USP10: variants seen among roughly 807,000 people sequenced by gnomAD.
USP10 encodes the protein ubiquitin carboxyl-terminal hydrolase 10.
USP10 carries 22 observed loss-of-function variants against 84.5 expected under a neutral mutation model. The observed-to-expected ratio is 0.26, with a 90% CI of 0.19 to 0.37. USP10 has a LOEUF of 0.37. USP10 is among the 10% of genes least tolerant of loss of function. USP10 has a pLI of 1.00. For missense variants in USP10, 1,019 were observed against 998.9 expected (o/e 1.02, Z -0.27); for synonymous variants, 454 against 387.6 (o/e 1.17, Z -2.01).
chr16:84,733,804 G>A (rs1048336363), intron 2 of USP10, among the ~76,000 whole-genome samples: 1 of 152,138 alleles, frequency 6.6e-6, no homozygotes. Context: ...GGAAATATTG[G>A]TCCTGACTGG....
At chr16:84,767,116 C>A (rs1010124160) in intron 10 of USP10, among the ~76,000 whole-genome samples, 3 of 152,050 alleles carry the variant, frequency 2.0e-5, no homozygotes, top group Non-Finnish European at 4.4e-5. Flanking sequence ...CATGGAGATG[C>A]GTAATTAAAC....
At chr16:84,725,693 C>T (rs1287347421) in intron 1 of USP10, among the ~76,000 whole-genome samples, 5 of 152,266 alleles carry the variant, frequency 3.3e-5, no homozygotes, top group African/African-American at 9.6e-5. Flanking sequence ...TGTGAGCCAC[C>T]GTGCCCGGCC....
At chr16:84,773,627 C>G (rs562555049) in intron 12 of USP10, among the ~76,000 whole-genome samples, 2 of 152,298 alleles carry the variant, frequency 1.3e-5, no homozygotes, top group South Asian at 2.1e-4. Flanking sequence ...GGTTTAGTGT[C>G]CGTTGCTCCT....
intron 4 of USP10, among the ~76,000 whole-genome samples, chr16:84,748,880 C>G (rs1384582278): frequency 1.3e-5 from 2 of 152,156 alleles, no homozygotes; most frequent in East Asian, 3.8e-4. Flanking sequence ...ACACAGTCCA[C>G]GTAATTATTT....
At chr16:84,753,949 TGAG>T (rs1204200230) in intron 4 of USP10, among the ~76,000 whole-genome samples, 1 of 151,914 alleles carries the variant, frequency 6.6e-6, no homozygotes, top group Non-Finnish European at 1.5e-5. Flanking sequence ...AGAGGGGTGT[TGAG>T]GGGAGAAAGC....
At position 84,772,667 on chromosome 16, in the gene USP10, G is replaced by A; in HGVS notation, c.2125G>A (p.Asp709Asn). ...KLIKNIEYPV[D>N]LEISKELLSP... ...TATCAAAAATATTGAATATCCTGTG[G>A]ACTTGGAAATTAGTAAAGGTAATGC... The change falls in exon 12 of 14, where the codon GAC becomes AAC. Residue 709 changes from aspartate to asparagine, a missense_variant. Asp to Asn is a conservative substitution (Grantham distance 23). Around this residue, in one of 2 missense-constraint regions of USP10, gnomAD observed 232 missense variants for 290.1 expected, o/e 0.80. Transcript: ENST00000219473. 6.2e-7 allele frequency: 1 copy of A among 1,613,960 alleles called. No homozygotes were observed. Among genetic ancestry groups the A allele is most frequent in the Non-Finnish European group, 8.5e-7 (1 of 1,179,896 alleles).
At chr16:84,766,127 T>A (rs1333207690) in intron 10 of USP10, among the ~76,000 whole-genome samples, 12 of 152,112 alleles carry the variant, frequency 7.9e-5, no homozygotes, top group Non-Finnish European at 1.5e-5. Flanking sequence ...TCAGTCTCAG[T>A]TCTGAGACTG....
chr16:84,746,377 G>A (rs180703355), intron 4 of USP10, among the ~76,000 whole-genome samples: 22 of 152,334 alleles, frequency 1.4e-4, no homozygotes, highest in Admixed American at 7.2e-4. Context: ...ATGGATATGT[G>A]TTCCGAGATG....
At chr16:84,710,334 C>G (rs1355616831) in intron 1 of USP10, among the ~76,000 whole-genome samples, 1 of 151,426 alleles carries the variant, frequency 6.6e-6, no homozygotes. Flanking sequence ...TTAGATGCTT[C>G]GAAAGTTGTC....
intron 13 of USP10, among the ~76,000 whole-genome samples, chr16:84,775,532 G>A (rs113929414): frequency 7.2e-5 from 11 of 152,348 alleles, no homozygotes; most frequent in Middle Eastern, 6.8e-3. Context: ...TCTCCCGGCT[G>A]TGCTTGTGGC....
chr16:84,733,763 C>G (rs1421885928), intron 2 of USP10, among the ~76,000 whole-genome samples: 1 of 152,222 alleles, frequency 6.6e-6, no homozygotes, highest in African/African-American at 2.4e-5. Context: ...TCTCCCATCT[C>G]TCCCCAGAAG....
At position 84,703,344 on chromosome 16, in the gene USP10, T is replaced by C. The variant is rs1287899974; in HGVS notation, c.21+3233T>C. Among the ~76,000 whole-genome samples the C allele has an allele frequency of 2.0e-5, 3 of 152,226 alleles. No individual in the cohort carries two copies. In the East Asian group the frequency reaches 5.8e-4, roughly 29 times the overall value. On this transcript the variant is annotated intron_variant, in intron 1 of 13. Coordinates refer to ENST00000219473, the MANE Select transcript of USP10 (RefSeq NM_005153.3). ...ATTTATAGTGAAATCTCCACAATAA[T>C]GCTTCCTACACCCAATTTGAATGTC...
intron 2 of USP10, among the ~76,000 whole-genome samples, chr16:84,736,690 A>G (rs1403774149): frequency 2.0e-5 from 3 of 152,326 alleles, no homozygotes; most frequent in East Asian, 3.9e-4. Flanking sequence ...GACTGAGTCA[A>G]TAAGCCCCCG....
At chr16:84,706,835 G>A (rs1355163503) in intron 1 of USP10, among the ~76,000 whole-genome samples, 5 of 151,720 alleles carry the variant, frequency 3.3e-5, no homozygotes, top group East Asian at 1.9e-4. Flanking sequence ...CCACCGCGCC[G>A]GGCCAAGACT....
chr16:84,751,061 A>G lies in USP10; in HGVS notation c.1192+5388A>G, dbSNP rs554396710. Among the ~76,000 whole-genome samples, 9 of 152,372 alleles carry G rather than the reference A, an allele frequency of 5.9e-5. No homozygotes were observed. In the South Asian group the frequency reaches 1.7e-3, roughly 28 times the overall value. On this transcript the variant is annotated intron_variant, in intron 4 of 13. Transcript: ENST00000219473. ...TGCTTTAATGATGTTTCAGTCAACA[A>G]CAGACCGCATGTACGACAGTGGTCC...
chr16:84,712,378 G>A (rs1443355847), intron 1 of USP10, among the ~76,000 whole-genome samples: 7 of 152,136 alleles, frequency 4.6e-5, no homozygotes, highest in African/African-American at 1.2e-4. Flanking sequence ...CTGCTCTTTC[G>A]GGTCAGGAAG....
chr16:84,749,538 G>A (rs1284801783), intron 4 of USP10, among the ~76,000 whole-genome samples: 3 of 151,442 alleles, frequency 2.0e-5, no homozygotes, highest in Non-Finnish European at 4.4e-5. Context: ...CCGGGAGTTC[G>A]AGGCCAGCCT....
At chr16:84,703,894 G>A (rs1350094510) in intron 1 of USP10, among the ~76,000 whole-genome samples, 2 of 152,194 alleles carry the variant, frequency 1.3e-5, no homozygotes, top group African/African-American at 2.4e-5. Context: ...TACTAAGCGG[G>A]CCTACCACAT....
chr16:84,744,586 G>C (rs1487272664), intron 3 of USP10, 47 bp from the exon 4 acceptor site: 1 of 1,494,098 alleles, frequency 6.7e-7, no homozygotes, highest in African/African-American at 1.4e-5. Context: ...CTGGTACTTA[G>C]AGTTTGTAGA....
Sources: gnomAD v4.1 joint callset for allele counts (sites outside exome capture counted in the v4.1 genomes callset) on GRCh38, gnomAD v4.1.1 for gene constraint, gnomAD v4.1.1 regional missense constraint, MANE v1.5 for transcripts, NCBI Gene and HGNC (gene_info 2026-07-23, HGNC 2026-07-21) for gene names.